Variants in BMPR1B observed in about 807,000 individuals in gnomAD.
The protein encoded by BMPR1B is bone morphogenetic protein receptor type-1B.
BMPR1B carries 12 observed loss-of-function variants against 59.1 expected under a neutral mutation model. The ratio of observed to expected loss-of-function variants is 0.20; its 90% CI spans 0.13 to 0.33. BMPR1B has a LOEUF of 0.33. Among genes scored for constraint, BMPR1B ranks in the 10% least tolerant of loss-of-function variants. BMPR1B has a pLI of 1.00. For synonymous variants in BMPR1B, 237 were observed against 207.3 expected, an observed-to-expected ratio of 1.14 and a Z score of -1.23; for missense variants, 550 against 610.9, an observed-to-expected ratio of 0.90 and a Z score of 1.05.
At chr4:94,999,544 A>G (rs939035478) in intron 3 of BMPR1B, among the ~76,000 whole-genome samples, 6 of 152,194 alleles carry the variant, frequency 3.9e-5, no homozygotes, top group Non-Finnish European at 7.3e-5. Context: ...TTCAGGATAC[A>G]TATTCCAAAA....
chr4:94,771,092 A>G (rs1722169792), intron 1 of BMPR1B, among the ~76,000 whole-genome samples: 1 of 152,178 alleles, frequency 6.6e-6, no homozygotes, highest in African/African-American at 2.4e-5. Context: ...GATGGTTGAA[A>G]TGCAAGTACA....
intron 3 of BMPR1B, among the ~76,000 whole-genome samples, chr4:95,087,036 A>AC (rs1729638150): frequency 8.7e-6 from 1 of 115,146 alleles, no homozygotes; most frequent in Admixed American, 1.2e-4. Flanking sequence ...ACAGAGTCTC[A>AC]CTCTGTCACC....
chr4:95,047,914 T>A (rs1159682714), intron 3 of BMPR1B, among the ~76,000 whole-genome samples: 2 of 152,164 alleles, frequency 1.3e-5, no homozygotes, highest in Admixed American at 1.3e-4. Context: ...GTGAGCATAG[T>A]ACCCAGTAGT....
intron 2 of BMPR1B, among the ~76,000 whole-genome samples, chr4:94,930,779 GA>G (rs1182722679): frequency 6.6e-6 from 1 of 152,056 alleles, no homozygotes; most frequent in Non-Finnish European, 1.5e-5. Flanking sequence ...TATCTCAAGT[GA>G]CTATCTCTTG....
chr4:94,841,429 G>A (rs1578706403), intron 1 of BMPR1B, among the ~76,000 whole-genome samples: 1 of 152,066 alleles, frequency 6.6e-6, no homozygotes, highest in Non-Finnish European at 1.5e-5. Flanking sequence ...ATGGGCGTAG[G>A]ACCCTCCGAG....
rs555349566 is a variant in BMPR1B at position 95,041,342 on chromosome 4, C to T, written c.-18+45208C>T. Among the ~76,000 whole-genome samples the T allele has an allele frequency of 3.3e-5, 5 of 152,210 alleles. No individual in the cohort carries two copies. The East Asian group carries it at 5.8e-4, about 18-fold the overall frequency. On this transcript the variant is annotated intron_variant, in intron 3 of 12. Transcript: ENST00000515059. ...GGAATTACAGGTGTGAGCCACCACG[C>T]GTGGTCTATAATTTTTTTTTATAAT...
At chr4:94,758,098 C>T (rs902666388) in intron 1 of BMPR1B, 30 bp downstream of exon 1, 1 of 148,546 alleles carries the variant, frequency 6.7e-6, no homozygotes, top group African/African-American at 2.4e-5. Context: ...GCCCCGTCCC[C>T]TGCGGGTGGC....
intron 2 of BMPR1B, among the ~76,000 whole-genome samples, chr4:94,900,680 T>G (rs1727776602): frequency 6.6e-6 from 1 of 152,050 alleles, no homozygotes; most frequent in South Asian, 2.1e-4. Flanking sequence ...CTGTATTATT[T>G]GAATAGTCAG....
chr4:94,970,296 CTTCTCTTCTTT>C (rs1730731654), intron 2 of BMPR1B, among the ~76,000 whole-genome samples: 1 of 83,798 alleles, frequency 1.2e-5, no homozygotes, highest in African/African-American at 4.0e-5. Flanking sequence ...CTTCTCTTCT[CTTCTCTTCTTT>C]CTCTCTCTCT....
intron 2 of BMPR1B, among the ~76,000 whole-genome samples, chr4:94,939,795 A>G (rs1729441637): frequency 6.6e-6 from 1 of 152,222 alleles, no homozygotes. Flanking sequence ...GATATTATCT[A>G]GGAAAAATGT....
At chr4:94,851,751 G>T (rs546445880) in intron 1 of BMPR1B, among the ~76,000 whole-genome samples, 3 of 152,002 alleles carry the variant, frequency 2.0e-5, no homozygotes, top group African/African-American at 7.2e-5. Context: ...AGTCAGTTGA[G>T]ATCATTATAA....
intron 9 of BMPR1B, among the ~76,000 whole-genome samples, chr4:95,130,358 C>T (rs1733238975): frequency 6.6e-6 from 1 of 152,086 alleles, no homozygotes; most frequent in Non-Finnish European, 1.5e-5. Flanking sequence ...TTTGAAGGAA[C>T]TTATTTTTGT....
At position 95,157,438 on chromosome 4, in the gene BMPR1B, C is replaced by T. The variant is rs1365483315; in HGVS notation, c.*2765C>T. 6.6e-6 allele frequency: 1 copy of T among 151,854 alleles called. No individual in the cohort carries two copies. Among genetic ancestry groups the T allele is most frequent in the African/African-American group, 2.4e-5 (1 of 41,370 alleles). 9.4% of individuals were successfully genotyped at this position (151,854 alleles called of 1,614,324 possible). A position where few individuals can be genotyped will look rare whatever the true frequency, so the allele number is the denominator to read the frequency against. On this transcript the variant is annotated 3_prime_UTR_variant, in exon 13 of 13. Coordinates refer to ENST00000515059, the MANE Select transcript of BMPR1B (RefSeq NM_001203.3). ...AGTGAATTTTATTTTATTTGTCTTTCACTTGAATAAATGAGAACCCAGAAA... is the reference window on the plus strand; with the variant it reads ...AGTGAATTTTATTTTATTTGTCTTTTACTTGAATAAATGAGAACCCAGAAA...
chr4:94,987,730 T>C (rs1057214424), intron 2 of BMPR1B, among the ~76,000 whole-genome samples: 1 of 152,196 alleles, frequency 6.6e-6, no homozygotes, highest in African/African-American at 2.4e-5. Flanking sequence ...AGATTCCGGT[T>C]GCACTGCCTA....
intron 1 of BMPR1B, among the ~76,000 whole-genome samples, chr4:94,800,447 ATTTTTTTTTTT>A (rs71583665): frequency 1.0e-3 from 122 of 120,100 alleles, no homozygotes; most frequent in Middle Eastern, 4.3e-3. Flanking sequence ...GGTCTTTACT[ATTTTTTTTTTT>A]TTTTTTTTTG....
intron 3 of BMPR1B, among the ~76,000 whole-genome samples, chr4:95,026,106 C>CTTTCCTTCTTTCTTTCTTTT (rs1578949271): frequency 7.5e-6 from 1 of 133,272 alleles, no homozygotes; most frequent in Non-Finnish European, 1.6e-5. Flanking sequence ...TCATTTCTTT[C>CTTTCCTTCTTTCTTTCTTTT]TTTCTTTCTT....
At chr4:94,822,241 C>T (rs563124685) in intron 1 of BMPR1B, among the ~76,000 whole-genome samples, 14 of 152,228 alleles carry the variant, frequency 9.2e-5, no homozygotes, top group Admixed American at 9.2e-4. Context: ...CCCATCACCT[C>T]CTAAAGGTCC....
At chr4:95,069,898 G>A (rs550016208) in intron 3 of BMPR1B, among the ~76,000 whole-genome samples, 155 of 152,284 alleles carry the variant, frequency 1.0e-3, no homozygotes, top group African/African-American at 3.5e-3. Context: ...TTGGGAGTTC[G>A]TGACCAGCCT....
At chr4:94,777,751 C>T (rs1032930671) in intron 1 of BMPR1B, among the ~76,000 whole-genome samples, 3 of 152,120 alleles carry the variant, frequency 2.0e-5, no homozygotes, top group African/African-American at 7.2e-5. Context: ...TTTGGCCGGG[C>T]GTGGTGTCTC....
Sources: allele counts gnomAD v4.1 joint callset (sites outside exome capture counted in the v4.1 genomes callset), GRCh38; gene constraint gnomAD v4.1.1; transcripts MANE v1.5; gene names NCBI Gene and HGNC (gene_info 2026-07-23, HGNC 2026-07-21).